The following LRP11 variants were observed in gnomAD, a reference collection of about 807,000 sequenced individuals.
LRP11 encodes LDL receptor related protein 11.
LRP11 carries 25 observed loss-of-function variants against 43.1 expected under a neutral mutation model. That is an observed-to-expected ratio of 0.58 (90% confidence interval 0.42 to 0.81). The LOEUF is 0.81. Ranked by LOEUF, LRP11 falls within the 30% of genes least tolerant of loss-of-function variation. The probability of loss-of-function intolerance (pLI) is 0.00; values close to 1 mark genes in which losing one functional copy is unlikely to be tolerated. For synonymous variants in LRP11, 316 were observed against 299.4 expected (o/e 1.06, Z -0.57); for missense variants, 623 against 665.1 (o/e 0.94, Z 0.70).
chr6:149,863,650 A>T lies in LRP11; in HGVS notation c.371T>A (p.Val124Glu). 1 of 1,472,962 alleles carries T rather than the reference A, an allele frequency of 6.8e-7. No homozygotes were observed. The highest frequency in any genetic ancestry group is 3.0e-5 in the East Asian group (1 of 33,498). The allele number at this position is 1,472,962 out of a possible 1,614,324, so 91.2% of individuals were successfully genotyped here. The change falls in exon 1 of 7, where the codon GTG (valine) becomes GAG (glutamate). Residue 124 changes from valine (V) to glutamate (E), a missense_variant. Val to Glu is a moderately radical substitution (Grantham distance 121). Coordinates refer to ENST00000239367, the MANE Select transcript of LRP11 (RefSeq NM_032832.6). The part of the protein sequence containing the change: ...GASFLRAPAA[V>E]RGWRQCVAAC... ...CGCCACGCATTGCCGCCAGCCCCGC[A>T]CGGCCGCCGGCGCCCGCAGGAAGCT...
chr6:149,855,152 G>A (rs995745444), intron 1 of LRP11, among the ~76,000 whole-genome samples: 2 of 152,148 alleles, frequency 1.3e-5, no homozygotes, highest in African/African-American at 4.8e-5. Flanking sequence ...ACCCTTTCCT[G>A]TAATTCTGAT....
Position 149,853,009 on chromosome 6 carries a change from G to A in LRP11, c.765C>T (p.Asp255=), listed in dbSNP as rs1583094085. The A allele has an allele frequency of 1.3e-6, 2 of 1,589,788 alleles. No individual in the cohort carries two copies. The highest frequency in any genetic ancestry group is 1.4e-5 in the African/African-American group (1 of 73,596). ...WALLQGDPSV[D]MKVPQSGTLK... is the part of the protein sequence containing the mutation. ...CAGTGACAACATGCGTTACCTTCAT[G>A]TCCACTGACGGGTCCCCCTGCAGCA... The change falls in exon 2 of 7, where the codon GAC becomes GAT. Residue 255 remains aspartate, a synonymous_variant. Transcript: ENST00000239367.
intron 5 of LRP11, among the ~76,000 whole-genome samples, chr6:149,835,879 A>G (rs1187623833): frequency 6.6e-6 from 1 of 152,214 alleles, no homozygotes; most frequent in African/African-American, 2.4e-5. Flanking sequence ...TCTCTGGAGT[A>G]GGTACATGAG....
At chr6:149,835,757 C>T (rs1243118134) in intron 5 of LRP11, among the ~76,000 whole-genome samples, 2 of 152,104 alleles carry the variant, frequency 1.3e-5, no homozygotes, top group Non-Finnish European at 1.5e-5. Context: ...AGGATTTACA[C>T]AAATACATAA....
At chr6:149,831,124 T>C (rs1416710526) in intron 5 of LRP11, among the ~76,000 whole-genome samples, 2 of 152,380 alleles carry the variant, frequency 1.3e-5, no homozygotes, top group Non-Finnish European at 1.5e-5. Context: ...AAGAGTTACA[T>C]GTCTTAGGAG....
At chr6:149,853,336 C>T (rs990825707) in intron 1 of LRP11, 176 bp from the exon 2 acceptor site, 22 of 577,464 alleles carry the variant, frequency 3.8e-5, no homozygotes, top group East Asian at 9.9e-5. Context: ...CTATAATATG[C>T]GCAGAAGAGG....
chr6:149,858,598 A>G (rs535954918), intron 1 of LRP11, among the ~76,000 whole-genome samples: 37 of 152,292 alleles, frequency 2.4e-4, no homozygotes, highest in African/African-American at 8.4e-4. Flanking sequence ...CAAAGGTTCT[A>G]TCCTTCCACT....
At chr6:149,851,219 A>G (rs1776714032) in intron 2 of LRP11, among the ~76,000 whole-genome samples, 1 of 152,200 alleles carries the variant, frequency 6.6e-6, no homozygotes, top group South Asian at 2.1e-4. Flanking sequence ...GCACGAACCC[A>G]CTGTGTGATG....
chr6:149,820,850 C>A (rs1384748479), intron 6 of LRP11, 147 bp from the exon 7 acceptor site: 2 of 524,346 alleles, frequency 3.8e-6, no homozygotes, highest in Non-Finnish European at 3.4e-6. Flanking sequence ...TGCAGATTAA[C>A]TAAGGTGTAC....
Position 149,837,396 on chromosome 6 carries a change from G to C in LRP11, c.981C>G (p.Leu327=). ...GACACTGCTGCACTCCATCGCAGGCGAGCGTGATGTCAATGCAGCAGCCAT... is the reference window on the plus strand; with the variant it reads ...GACACTGCTGCACTCCATCGCAGGCCAGCGTGATGTCAATGCAGCAGCCAT... ...CDDGCCIDIT[L]ACDGVQQCPD... The change falls in exon 4 of 7, where the codon CTC becomes CTG. Residue 327 remains leucine, a synonymous_variant. Transcript: ENST00000239367. 1 of 1,614,078 alleles carries C rather than the reference G, an allele frequency of 6.2e-7. No individual in the cohort carries two copies. Among genetic ancestry groups the C allele is most frequent in the Non-Finnish European group, 8.5e-7 (1 of 1,180,018 alleles).
In LRP11 at chr6:149,826,254, G is replaced by A. The variant is rs2115373303; in HGVS notation, c.1348+10C>T. On this transcript the variant is annotated intron_variant, in intron 6 of 6. Coordinates refer to ENST00000239367, the MANE Select transcript of LRP11 (RefSeq NM_032832.6). ...ACAGTCTGCAAAGGGTTTCCAAGGT[G>A]GACATTTACCTGTTTCTGGGGCTGG... The A allele has an allele frequency of 6.3e-7, 1 of 1,599,956 alleles. No individual in the cohort carries two copies.
chr6:149,838,751 T>G (rs192837733), intron 3 of LRP11, among the ~76,000 whole-genome samples: 36 of 152,190 alleles, frequency 2.4e-4, no homozygotes, highest in African/African-American at 7.9e-4. Flanking sequence ...GCTTTTAATT[T>G]GCAGTGCAAT....
intron 2 of LRP11, among the ~76,000 whole-genome samples, chr6:149,848,682 C>T (rs1048990124): frequency 1.3e-5 from 2 of 151,572 alleles, no homozygotes; most frequent in African/African-American, 4.9e-5. Context: ...TAAATGAGAA[C>T]ACATGGACAG....
chr6:149,823,312 AATCTGAAC>A (rs1161986925), intron 6 of LRP11, among the ~76,000 whole-genome samples: 1 of 152,194 alleles, frequency 6.6e-6, no homozygotes, highest in African/African-American at 2.4e-5. Context: ...CACATTAAGA[AATCTGAAC>A]ATGATCACAG....
chr6:149,856,802 G>A (rs1349361832), intron 1 of LRP11, among the ~76,000 whole-genome samples: 1 of 152,110 alleles, frequency 6.6e-6, no homozygotes, highest in African/African-American at 2.4e-5. Flanking sequence ...TCCATGACAA[G>A]GAAGACATTC....
chr6:149,855,271 C>T (rs779230832), intron 1 of LRP11, among the ~76,000 whole-genome samples: 1 of 152,302 alleles, frequency 6.6e-6, no homozygotes, highest in South Asian at 2.1e-4. Flanking sequence ...CAGACCCTAA[C>T]ATCTGATCGA....
Position 149,861,194 on chromosome 6 carries a change from G to A in LRP11, c.613+2214C>T, listed in dbSNP as rs557267565. Among the ~76,000 whole-genome samples, 33 of 152,226 alleles carry A rather than the reference G, an allele frequency of 2.2e-4. 1 individual carries two copies. The highest frequency in any genetic ancestry group is 1.4e-3 in the Admixed American group (21 of 15,296). On this transcript the variant is annotated intron_variant, in intron 1 of 6. Transcript: ENST00000239367. ...AAGAAGGAAAAACTTAGTCTCTGAAGCATAAACAACTTCAACCTGTCAAGC... is the reference window on the plus strand; with the variant it reads ...AAGAAGGAAAAACTTAGTCTCTGAAACATAAACAACTTCAACCTGTCAAGC...
chr6:149,845,809 A>G (rs1279018953), intron 2 of LRP11, among the ~76,000 whole-genome samples: 1 of 152,150 alleles, frequency 6.6e-6, no homozygotes, highest in African/African-American at 2.4e-5. Flanking sequence ...AGATAAGATC[A>G]GAGAATCAGA....
At chr6:149,842,448 T>C in intron 3 of LRP11, 2 of 597,936 alleles carry the variant, frequency 3.3e-6, no homozygotes, top group Non-Finnish European at 6.0e-6. Flanking sequence ...AAACAGACAA[T>C]ACATTATCAT....
Sources: allele counts gnomAD v4.1 joint callset (sites outside exome capture counted in the v4.1 genomes callset), GRCh38; gene constraint gnomAD v4.1.1; transcripts MANE v1.5; gene names NCBI Gene and HGNC (gene_info 2026-07-23, HGNC 2026-07-21).